Variants in CAST observed in about 807,000 individuals in gnomAD.
CAST encodes the protein MIR583 host.
A neutral mutation model predicts 119.6 loss-of-function variants in CAST; 76 were observed. The ratio of observed to expected loss-of-function variants is 0.64; its 90% CI spans 0.53 to 0.77. CAST has a LOEUF of 0.77. Ranked by LOEUF, CAST falls within the 30% of genes least tolerant of loss-of-function variation. The pLI, the probability that CAST is intolerant of heterozygous loss-of-function variation, is 0.00. For missense variants in CAST, 953 were observed against 946.5 expected (o/e 1.01, Z -0.09); for synonymous variants, 319 against 331.6 (o/e 0.96, Z 0.41).
At chr5:96,495,513 C>A in the CAST span, among the ~76,000 whole-genome samples, 1 of 152,106 alleles carries the variant, frequency 6.6e-6, no homozygotes, top group African/African-American at 2.4e-5. Flanking sequence ...TGAAAACATG[C>A]GGTGTTTGGT....
the CAST span, among the ~76,000 whole-genome samples, chr5:96,271,720 A>C: frequency 6.6e-6 from 1 of 152,100 alleles, no homozygotes; most frequent in East Asian, 1.9e-4. Flanking sequence ...TTTAGGTAAG[A>C]TCTCAAAGCA....
chr5:96,737,458 C>G (rs914499714), intron 10 of CAST, among the ~76,000 whole-genome samples: 9 of 152,062 alleles, frequency 5.9e-5, no homozygotes, highest in African/African-American at 2.2e-4. Flanking sequence ...CAATAAATAC[C>G]AAGCATTTCC....
At chr5:96,749,324 C>G (rs1025384857) in intron 19 of CAST, among the ~76,000 whole-genome samples, 1 of 152,152 alleles carries the variant, frequency 6.6e-6, no homozygotes, top group African/African-American at 2.4e-5. Context: ...TTATATATCA[C>G]TATTAAAGCC....
At chr5:96,149,145 C>A in the CAST span, among the ~76,000 whole-genome samples, 1 of 152,206 alleles carries the variant, frequency 6.6e-6, no homozygotes, top group African/African-American at 2.4e-5. Context: ...ATCAGTTCTG[C>A]TGAAGAGCAC....
At chr5:96,037,519 T>G in the CAST span, among the ~76,000 whole-genome samples, 5 of 152,300 alleles carry the variant, frequency 3.3e-5, no homozygotes, top group South Asian at 1.0e-3. Context: ...AGAAAAAGAT[T>G]CATTAACATT....
chr5:96,682,814 A>C (rs961368318), intron 2 of CAST, among the ~76,000 whole-genome samples: 7 of 152,162 alleles, frequency 4.6e-5, no homozygotes, highest in African/African-American at 1.4e-4. Context: ...ATTACAGAAC[A>C]TCCACTGTAT....
chr5:96,476,518 C>T, the CAST span, among the ~76,000 whole-genome samples: 1 of 152,148 alleles, frequency 6.6e-6, no homozygotes, highest in South Asian at 2.1e-4. Flanking sequence ...AAAGCTGGAA[C>T]AGAACAACAT....
the CAST span, among the ~76,000 whole-genome samples, chr5:95,997,987 T>TTG: frequency 1.4e-5 from 2 of 143,126 alleles, no homozygotes; most frequent in Non-Finnish European, 3.0e-5. Flanking sequence ...TTTTTTTTTT[T>TTG]CCTTTGCGGG....
At chr5:96,367,856 A>G in the CAST span, among the ~76,000 whole-genome samples, 1 of 152,032 alleles carries the variant, frequency 6.6e-6, no homozygotes. Context: ...GAAAAGCCCC[A>G]GTGAGATGAA....
chr5:96,412,211 A>C, the CAST span: 1 of 1,006,606 alleles, frequency 9.9e-7, no homozygotes, highest in East Asian at 2.4e-5. Flanking sequence ...GGACTTTGTT[A>C]AGAAATCCAC....
the CAST span, among the ~76,000 whole-genome samples, chr5:96,429,956 G>T: frequency 6.6e-6 from 1 of 152,144 alleles, no homozygotes; most frequent in African/African-American, 2.4e-5. Flanking sequence ...AAATATATCT[G>T]TTCAAAGAAC....
At chr5:96,494,374 T>G in the CAST span, among the ~76,000 whole-genome samples, 1 of 152,154 alleles carries the variant, frequency 6.6e-6, no homozygotes, top group Non-Finnish European at 1.5e-5. Context: ...CTGTAAATGA[T>G]AGTAAAAGTT....
chr5:96,737,703 A>T, intron 10 of CAST, 146 bp from the exon 11 acceptor site: 1 of 533,242 alleles, frequency 1.9e-6, no homozygotes, highest in East Asian at 3.2e-5. Flanking sequence ...TCTGTTAAAG[A>T]CCAGATTTTA....
chr5:96,523,510 C>G (rs535991456), upstream of CAST, among the ~76,000 whole-genome samples: 1 of 152,344 alleles, frequency 6.6e-6, no homozygotes, highest in South Asian at 2.1e-4. Flanking sequence ...GCCCGACTCT[C>G]TCTTTGCTTA....
chr5:96,088,350 C>T, the CAST span, among the ~76,000 whole-genome samples: 1 of 152,208 alleles, frequency 6.6e-6, no homozygotes, highest in Admixed American at 6.5e-5. Context: ...CCTCTCCAGG[C>T]CATGGCTGCC....
At chr5:96,717,208 A>G (rs1213700638) in intron 3 of CAST, among the ~76,000 whole-genome samples, 1 of 152,242 alleles carries the variant, frequency 6.6e-6, no homozygotes, top group African/African-American at 2.4e-5. Flanking sequence ...ATGTACACTT[A>G]GAAAGGAACT....
chr5:96,182,410 A>G, the CAST span, among the ~76,000 whole-genome samples: 1 of 152,240 alleles, frequency 6.6e-6, no homozygotes, highest in African/African-American at 2.4e-5. Context: ...GCAAGAAGGA[A>G]AAGAAGTATT....
chr5:96,128,620 G>A, the CAST span, among the ~76,000 whole-genome samples: 5 of 152,198 alleles, frequency 3.3e-5, no homozygotes, highest in South Asian at 8.3e-4. Context: ...AGAGAAGCAA[G>A]CACTACTGAA....
chr5:96,242,213 C>G, the CAST span, among the ~76,000 whole-genome samples: 2 of 151,674 alleles, frequency 1.3e-5, no homozygotes, highest in African/African-American at 4.8e-5. Context: ...ACGTTTAAGT[C>G]TTTAATCCAT....
Sources: gnomAD v4.1 joint callset for allele counts (sites outside exome capture counted in the v4.1 genomes callset) on GRCh38, gnomAD v4.1.1 for gene constraint, MANE v1.5 for transcripts, NCBI Gene and HGNC (gene_info 2026-07-23, HGNC 2026-07-21) for gene names.